The following H2BC5 variants were observed in gnomAD, a reference collection of about 807,000 sequenced individuals.
The protein encoded by H2BC5 is H2B clustered histone 5.
Under a neutral mutation model 5.7 loss-of-function variants are expected in H2BC5, and 9 were observed. That is an observed-to-expected ratio of 1.57 (90% CI 0.95 to 2.74). The LOEUF is 2.74. Ranked by LOEUF, H2BC5 falls within the 30% of genes most tolerant of loss-of-function variation. H2BC5 has a pLI of 0.00. For synonymous variants in H2BC5, 133 were observed against 70.9 expected (o/e 1.88, Z -4.40); for missense variants, 175 against 168.8 (o/e 1.04, Z -0.20).
intron 1 of H2BC5, chr6:26,170,920 A>G (rs1045366781): frequency 2.6e-5 from 4 of 152,242 alleles, no homozygotes; most frequent in African/African-American, 9.6e-5. Flanking sequence ...GAAAATATTA[A>G]TGGTGATGGC....
At chr6:26,159,720 A>G (rs905087581), downstream of H2BC5, among the ~76,000 whole-genome samples, 12 of 152,206 alleles carry the variant, frequency 7.9e-5, no homozygotes, top group Non-Finnish European at 1.6e-4. Context: ...AGAGGAATGA[A>G]TTTAGAAGTT....
chr6:26,161,222 GAAAC>G (rs1561969166), downstream of H2BC5: 1 of 151,786 alleles, frequency 6.6e-6, no homozygotes, highest in Non-Finnish European at 1.5e-5. Context: ...GAAAAAAAAA[GAAAC>G]AAAAAGTCTT....
At chr6:26,164,837 G>A (rs896727893) in intron 1 of H2BC5, among the ~76,000 whole-genome samples, 10 of 151,924 alleles carry the variant, frequency 6.6e-5, no homozygotes, top group African/African-American at 1.9e-4. Flanking sequence ...TGATCTTGTA[G>A]GGTTTATCAT....
intron 1 of H2BC5, among the ~76,000 whole-genome samples, chr6:26,166,472 C>T (rs73736552): frequency 3.3e-5 from 5 of 152,200 alleles, no homozygotes; most frequent in Admixed American, 6.5e-5. Context: ...TCCAGCACCA[C>T]AGAAACTTCA....
At chr6:26,169,047 CAAAT>C (rs1361889282) in intron 1 of H2BC5, among the ~76,000 whole-genome samples, 2 of 151,786 alleles carry the variant, frequency 1.3e-5, no homozygotes, top group African/African-American at 4.8e-5. Context: ...ATGGAAAAAA[CAAAT>C]TAATGAAATT....
chr6:26,168,846 T>G (rs1190169482), intron 1 of H2BC5, among the ~76,000 whole-genome samples: 4 of 152,222 alleles, frequency 2.6e-5, no homozygotes, highest in African/African-American at 9.6e-5. Context: ...AAATATGCAT[T>G]GAATGTATTA....
downstream of H2BC5, among the ~76,000 whole-genome samples, chr6:26,163,115 T>C (rs1181810331): frequency 7.7e-6 from 1 of 129,788 alleles, no homozygotes; most frequent in African/African-American, 3.0e-5. Flanking sequence ...AATCATTCTA[T>C]GATTTTTTTT....
chr6:26,166,692 C>CTTTTT (rs139697089), intron 1 of H2BC5, among the ~76,000 whole-genome samples: 19 of 90,156 alleles, frequency 2.1e-4, no homozygotes, highest in East Asian at 6.3e-4. Flanking sequence ...ATACTTTTGG[C>CTTTTT]TTTTTTTTTT....
chr6:26,158,604 C>T lies in H2BC5; in HGVS notation c.*54C>T. On this transcript the variant is annotated 3_prime_UTR_variant, in exon 1 of 1. Coordinates refer to ENST00000377777, the MANE Select transcript of H2BC5 (RefSeq NM_021063.4). The stretch of plus-strand genomic sequence containing the variant: ...ATCCCAAAGGCTCTTTTAAGAGCCA[C>T]GCATGTTTTCAATAAATGAGTTGTA... 2 of 1,591,544 alleles carry T rather than the reference C, an allele frequency of 1.3e-6. No homozygotes were observed. The highest frequency in any genetic ancestry group is 1.8e-5 in the Admixed American group (1 of 54,702).
intron 1 of H2BC5, among the ~76,000 whole-genome samples, chr6:26,164,828 G>C (rs562681161): frequency 2.0e-5 from 3 of 152,012 alleles, no homozygotes; most frequent in African/African-American, 7.2e-5. Flanking sequence ...CCGGCACCTT[G>C]ATCTTGTAGG....
downstream of H2BC5, chr6:26,158,609 GTTTTCAAT>G: frequency 1.3e-6 from 2 of 1,590,728 alleles, no homozygotes. Flanking sequence ...AGCCACGCAT[GTTTTCAAT>G]AAATGAGTTG....
chr6:26,165,014 G>A (rs531635721), intron 1 of H2BC5, among the ~76,000 whole-genome samples: 1 of 152,136 alleles, frequency 6.6e-6, no homozygotes, highest in South Asian at 2.1e-4. Flanking sequence ...CTCATATCAG[G>A]AAAGACTATA....
downstream of H2BC5, among the ~76,000 whole-genome samples, chr6:26,159,709 AAG>A (rs1225261407): frequency 6.6e-6 from 1 of 152,208 alleles, no homozygotes; most frequent in African/African-American, 2.4e-5. Context: ...CATTGTCTAA[AAG>A]AGGAATGAAT....
downstream of H2BC5, among the ~76,000 whole-genome samples, chr6:26,159,243 G>GTTTT (rs35999697): frequency 6.1e-3 from 373 of 61,420 alleles, 36 homozygotes; most frequent in African/African-American, 0.013. Context: ...TAATTTATAG[G>GTTTT]TTTTTTTTTT....
chr6:26,167,049 C>CTTTT (rs149341201), intron 1 of H2BC5, among the ~76,000 whole-genome samples: 1,150 of 96,982 alleles, frequency 0.012, 26 homozygotes, highest in African/African-American at 0.024. Flanking sequence ...TTTGTTTTCT[C>CTTTT]TTTTTTTTTT....
At chr6:26,171,097 A>G (rs1010061393) in exon 2 of H2BC5, 3 of 151,972 alleles carry the variant, frequency 2.0e-5, no homozygotes, top group African/African-American at 7.3e-5. Flanking sequence ...CCCAAATCCA[A>G]CTCATCCTGG....
downstream of H2BC5, among the ~76,000 whole-genome samples, chr6:26,162,094 G>C (rs552400364): frequency 6.6e-6 from 1 of 152,184 alleles, no homozygotes; most frequent in Non-Finnish European, 1.5e-5. Flanking sequence ...AATTTTTACA[G>C]ATGTAATACT....
At chr6:26,159,103 TTCTG>T (rs1424954871), downstream of H2BC5, among the ~76,000 whole-genome samples, 2 of 152,198 alleles carry the variant, frequency 1.3e-5, no homozygotes, top group Non-Finnish European at 2.9e-5. Flanking sequence ...TTGGGCCAGT[TTCTG>T]TCTGAAGCTC....
chr6:26,162,008 A>T (rs1390256323), downstream of H2BC5, among the ~76,000 whole-genome samples: 7 of 152,240 alleles, frequency 4.6e-5, no homozygotes, highest in East Asian at 7.7e-4. Flanking sequence ...TAGGTTAACA[A>T]AGTAAATATT....
Sources: allele counts gnomAD v4.1 joint callset (sites outside exome capture counted in the v4.1 genomes callset), GRCh38; gene constraint gnomAD v4.1.1; transcripts MANE v1.5; gene names NCBI Gene and HGNC (gene_info 2026-07-23, HGNC 2026-07-21).